The following ZFR variants were observed in gnomAD, a reference collection of about 807,000 sequenced individuals.
ZFR encodes the protein zinc finger RNA-binding protein.
Under a neutral mutation model 130.7 loss-of-function variants are expected in ZFR, and 19 were observed. The ratio of observed to expected loss-of-function variants is 0.15; its 90% CI spans 0.10 to 0.21. The LOEUF (loss-of-function observed/expected upper bound fraction) is 0.21, where lower values mean the gene tolerates loss of function less well. Among genes scored for constraint, ZFR ranks in the 10% least tolerant of loss-of-function variants. The pLI, the probability that ZFR is intolerant of heterozygous loss-of-function variation, is 1.00. For synonymous variants in ZFR, 466 were observed against 456.9 expected, an observed-to-expected ratio of 1.02 and a Z score of -0.25; for missense variants, 872 against 1,321.5, an observed-to-expected ratio of 0.66 and a Z score of 5.27.
chr5:32,391,259 A>G (rs1325550570), intron 11 of ZFR, among the ~76,000 whole-genome samples: 1 of 152,190 alleles, frequency 6.6e-6, no homozygotes, highest in Admixed American at 6.5e-5. Context: ...TATCAGATGG[A>G]AAACATATAG....
chr5:32,395,380 A>G, intron 10 of ZFR, 76 bp from the exon 11 acceptor site: 1 of 1,200,712 alleles, frequency 8.3e-7, no homozygotes, highest in Non-Finnish European at 1.1e-6. Flanking sequence ...ATACAATTAC[A>G]CTTATTCTTT....
chr5:32,408,313 TA>T (rs781068231), intron 5 of ZFR, among the ~76,000 whole-genome samples: 2,465 of 71,216 alleles, frequency 0.035, 37 homozygotes, highest in African/African-American at 0.084. Context: ...AACGTTTGAT[TA>T]AAAAAAAAAA....
At chr5:32,431,150 A>G (rs1754205066) in intron 2 of ZFR, among the ~76,000 whole-genome samples, 1 of 152,254 alleles carries the variant, frequency 6.6e-6, no homozygotes, top group Admixed American at 6.5e-5. Flanking sequence ...TACTTTAGAA[A>G]GAATAAAAAT....
At position 32,385,532 on chromosome 5, in the gene ZFR, G is replaced by A; in HGVS notation, c.2617C>T (p.Arg873Ter). Residue 873 changes from arginine to a stop codon, truncating the protein, a stop_gained, in exon 15 of 20, where the codon CGA becomes TGA. Coordinates refer to ENST00000265069, the MANE Select transcript of ZFR (RefSeq NM_016107.5). LOFTEE classifies it high-confidence loss of function. ...CCTCCTTCCCTCATGTTCTCTTCTC[G>A]AATAATTGGAGATGTCAGTGTGATA... The part of the protein sequence containing the change: ...VTITLTSPII[R>*]EENMREGDVT... 6.2e-7 allele frequency: 1 copy of A among 1,613,194 alleles called. No individual in the cohort carries two copies. The highest frequency in any genetic ancestry group is 8.5e-7 in the Non-Finnish European group (1 of 1,179,392).
chr5:32,390,154 C>CA (rs1444625109), intron 12 of ZFR, 121 bp downstream of exon 12: 8 of 1,347,044 alleles, frequency 5.9e-6, no homozygotes, highest in East Asian at 4.7e-5. Flanking sequence ...GACTCTGTCT[C>CA]AAAAAAACTA....
chr5:32,406,484 G>A (rs1301116660), intron 6 of ZFR, among the ~76,000 whole-genome samples: 1 of 152,028 alleles, frequency 6.6e-6, no homozygotes, highest in East Asian at 1.9e-4. Context: ...TACCCAAGTC[G>A]CAATTAATTT....
At chr5:32,376,527 T>G (rs565797304) in intron 17 of ZFR, among the ~76,000 whole-genome samples, 3 of 151,312 alleles carry the variant, frequency 2.0e-5, no homozygotes, top group Non-Finnish European at 2.9e-5. Context: ...ATGCCTGTAG[T>G]GTGTAGTGAG....
intron 2 of ZFR, among the ~76,000 whole-genome samples, chr5:32,435,081 G>T (rs1317892744): frequency 1.3e-5 from 2 of 152,078 alleles, no homozygotes; most frequent in African/African-American, 2.4e-5. Context: ...ATGATGGGGG[G>T]TTAATTTTTG....
chr5:32,385,227 T>C (rs1036410665), intron 15 of ZFR, among the ~76,000 whole-genome samples: 2 of 32,220 alleles, frequency 6.2e-5, no homozygotes, highest in African/African-American at 3.1e-4. Flanking sequence ...CCAGTAAAAA[T>C]AATTTTGAAG....
At chr5:32,411,354 T>G (rs937650370) in intron 5 of ZFR, among the ~76,000 whole-genome samples, 1 of 152,112 alleles carries the variant, frequency 6.6e-6, no homozygotes, top group Non-Finnish European at 1.5e-5. Context: ...GCTCTCTGTA[T>G]CCATCGGTTC....
At chr5:32,380,425 G>A (rs1752908728) in intron 15 of ZFR, 4 of 323,342 alleles carry the variant, frequency 1.2e-5, no homozygotes, top group South Asian at 4.8e-5. Flanking sequence ...GAAATCCGAA[G>A]GAAAGATTAC....
chr5:32,376,676 A>T (rs2111698659), intron 17 of ZFR, among the ~76,000 whole-genome samples: 2 of 151,558 alleles, frequency 1.3e-5, no homozygotes, highest in African/African-American at 4.8e-5. Context: ...CAGAAATGAT[A>T]AAAAAAATTA....
intron 19 of ZFR, among the ~76,000 whole-genome samples, chr5:32,362,558 C>T (rs1376333901): frequency 1.3e-5 from 2 of 152,012 alleles, no homozygotes; most frequent in Non-Finnish European, 2.9e-5. Flanking sequence ...TCACACATGC[C>T]GCCTTATGTC....
At chr5:32,361,579 T>G (rs1175262362) in intron 19 of ZFR, among the ~76,000 whole-genome samples, 1 of 152,106 alleles carries the variant, frequency 6.6e-6, no homozygotes, top group Non-Finnish European at 1.5e-5. Context: ...ATTTATACAT[T>G]TTTACCACAG....
intron 2 of ZFR, among the ~76,000 whole-genome samples, chr5:32,438,850 C>A (rs1164796317): frequency 6.6e-6 from 1 of 152,160 alleles, no homozygotes; most frequent in African/African-American, 2.4e-5. Context: ...TAATCAGGCA[C>A]TAGGCTAGAA....
At chr5:32,359,786 T>C (rs1561854610) in intron 19 of ZFR, among the ~76,000 whole-genome samples, 2 of 151,990 alleles carry the variant, frequency 1.3e-5, no homozygotes, top group Admixed American at 1.3e-4. Flanking sequence ...CCGTCTCTAC[T>C]AAAAATACAA....
chr5:32,414,327 C>CA (rs1449969846), intron 5 of ZFR, among the ~76,000 whole-genome samples: 4 of 152,216 alleles, frequency 2.6e-5, no homozygotes, highest in Middle Eastern at 3.4e-3. Context: ...TGAGTCTCTA[C>CA]AAAAAAGGCA....
rs111541145 is a variant in ZFR, at chr5:32,399,936, G to A, written c.1713+71C>T. ...CAATTAAGTATATTTAATTTTACAC[G>A]TAACATATGCTCGTAATGCACTTCT... On this transcript the variant is annotated intron_variant, in intron 9 of 19. Transcript: ENST00000265069. 77 of 1,290,624 alleles carry A rather than the reference G, an allele frequency of 6.0e-5. No individual in the cohort carries two copies. The African/African-American group carries it at 6.6e-4, about 11-fold the overall frequency. The allele number at this position is 1,290,624 out of a possible 1,614,324, so 79.9% of individuals were successfully genotyped here. A position where few individuals can be genotyped will look rare whatever the true frequency, so the allele number is the denominator to read the frequency against.
intron 17 of ZFR, among the ~76,000 whole-genome samples, chr5:32,370,129 T>C (rs528594145): frequency 4.1e-5 from 6 of 147,854 alleles, no homozygotes; most frequent in East Asian, 4.0e-4. Flanking sequence ...GGTCTCACGA[T>C]GTGCCCAGGC....
Sources: allele counts gnomAD v4.1 joint callset (sites outside exome capture counted in the v4.1 genomes callset), GRCh38; gene constraint gnomAD v4.1.1; transcripts MANE v1.5; gene names NCBI Gene and HGNC (gene_info 2026-07-23, HGNC 2026-07-21).